CSMD1: variants seen among roughly 807,000 people sequenced by gnomAD.
The protein encoded by CSMD1 is CUB and sushi domain-containing protein 1.
A neutral mutation model predicts 417.5 loss-of-function variants in CSMD1; 213 were observed. That is an observed-to-expected ratio of 0.51 (90% CI 0.46 to 0.57). The LOEUF (loss-of-function observed/expected upper bound fraction) is 0.57. Among genes scored for constraint, CSMD1 ranks in the 20% least tolerant of loss-of-function variants. The pLI, the probability that CSMD1 is intolerant of heterozygous loss-of-function variation, is 0.00. For missense variants in CSMD1, 6,923 were observed against 4,529.7 expected, an observed-to-expected ratio of 1.53 and a Z score of -15.17; for synonymous variants, 2,862 against 1,736.8, an observed-to-expected ratio of 1.65 and a Z score of -16.11.
At chr8:3,117,508 G>T (rs190156618) in intron 42 of CSMD1, among the ~76,000 whole-genome samples, 1 of 152,162 alleles carries the variant, frequency 6.6e-6, no homozygotes, top group East Asian at 1.9e-4. Flanking sequence ...AAAGGTCCAC[G>T]GAGTTGGTAA....
chr8:3,793,931 C>G (rs996189914), intron 5 of CSMD1, among the ~76,000 whole-genome samples: 3 of 152,154 alleles, frequency 2.0e-5, no homozygotes, highest in African/African-American at 4.8e-5. Flanking sequence ...TCTTGATACT[C>G]TCCCCCAGAG....
chr8:3,770,067 G>C (rs1390747999), intron 5 of CSMD1, among the ~76,000 whole-genome samples: 1 of 152,142 alleles, frequency 6.6e-6, no homozygotes, highest in Admixed American at 6.5e-5. Context: ...GAAGGCTTGC[G>C]TCTCTATTTC....
chr8:4,631,019 C>A (rs1335106681), intron 2 of CSMD1, among the ~76,000 whole-genome samples: 1 of 152,172 alleles, frequency 6.6e-6, no homozygotes, highest in Non-Finnish European at 1.5e-5. Flanking sequence ...ACAGTGGCTT[C>A]ACCCTCTGAT....
At chr8:4,331,470 CTTTTGGG>C (rs563774728) in intron 3 of CSMD1, among the ~76,000 whole-genome samples, 343 of 152,198 alleles carry the variant, frequency 2.3e-3, no homozygotes, top group African/African-American at 7.9e-3. Context: ...TGCCAGCCTT[CTTTTGGG>C]TTTTGGGTTT....
chr8:4,063,626 C>A (rs897917105), intron 3 of CSMD1, among the ~76,000 whole-genome samples: 1 of 152,156 alleles, frequency 6.6e-6, no homozygotes, highest in African/African-American at 2.4e-5. Context: ...CAGCGGCTTC[C>A]AGCAGTGGAC....
chr8:4,677,841 C>T (rs139336585), intron 1 of CSMD1, among the ~76,000 whole-genome samples: 38 of 152,110 alleles, frequency 2.5e-4, no homozygotes, highest in East Asian at 9.7e-4. Context: ...GGAGGAGAAA[C>T]GAAGCTGAAG....
intron 12 of CSMD1, among the ~76,000 whole-genome samples, chr8:3,434,211 G>A (rs564240395): frequency 1.2e-4 from 18 of 152,216 alleles, no homozygotes; most frequent in East Asian, 3.9e-4. Context: ...TTATGCCAGC[G>A]TCCTTTCAGA....
intron 12 of CSMD1, among the ~76,000 whole-genome samples, chr8:3,439,283 A>G (rs28411980): frequency 0.027 from 819 of 30,654 alleles, 29 homozygotes; most frequent in Middle Eastern, 0.11. Context: ...CAATGTCAGT[A>G]TATATATATA....
At chr8:3,535,324 A>G (rs899398166) in intron 10 of CSMD1, among the ~76,000 whole-genome samples, 1 of 152,134 alleles carries the variant, frequency 6.6e-6, no homozygotes, top group Non-Finnish European at 1.5e-5. Flanking sequence ...CTATCTTTCT[A>G]TATACCATGC....
At chr8:3,956,161 G>T (rs185899679) in intron 5 of CSMD1, among the ~76,000 whole-genome samples, 338 of 149,770 alleles carry the variant, frequency 2.3e-3, no homozygotes, top group African/African-American at 7.9e-3. Flanking sequence ...AATCTTAGAT[G>T]CAAAAAGGTT....
intron 11 of CSMD1, among the ~76,000 whole-genome samples, chr8:3,471,905 T>C (rs1817126563): frequency 6.6e-6 from 1 of 152,110 alleles, no homozygotes; most frequent in South Asian, 2.1e-4. Context: ...AATACACACA[T>C]GGCACTTGGT....
At chr8:3,612,194 T>G (rs187100626) in intron 8 of CSMD1, among the ~76,000 whole-genome samples, 2 of 152,174 alleles carry the variant, frequency 1.3e-5, no homozygotes, top group Admixed American at 6.5e-5. Flanking sequence ...GAGTAAAAAA[T>G]GTTACTCAGG....
At chr8:3,516,619 G>A (rs772490773) in intron 10 of CSMD1, among the ~76,000 whole-genome samples, 3 of 152,090 alleles carry the variant, frequency 2.0e-5, no homozygotes, top group Non-Finnish European at 2.9e-5. Context: ...GTTTATTTTT[G>A]TTGTTATTGT....
intron 9 of CSMD1, among the ~76,000 whole-genome samples, chr8:3,584,779 C>T (rs1800527294): frequency 1.3e-5 from 2 of 152,116 alleles, no homozygotes; most frequent in Middle Eastern, 3.4e-3. Context: ...AGCAAGAAAA[C>T]TATTGAAGGA....
intron 17 of CSMD1, among the ~76,000 whole-genome samples, chr8:3,394,855 A>G (rs1811591028): frequency 6.6e-6 from 1 of 152,236 alleles, no homozygotes; most frequent in African/African-American, 2.4e-5. Flanking sequence ...ATATGTGAAG[A>G]GTAATAACTG....
At chr8:4,233,177 C>T (rs1305720141) in intron 3 of CSMD1, among the ~76,000 whole-genome samples, 2 of 152,146 alleles carry the variant, frequency 1.3e-5, no homozygotes, top group Non-Finnish European at 1.5e-5. Context: ...GAAGCAACAA[C>T]ATTCATATTG....
At position 3,396,289 on chromosome 8, in the gene CSMD1, G is replaced by A. The variant is rs996769458; in HGVS notation, c.2498C>T (p.Ala833Val). The change falls in exon 17 of 70, where the codon GCA (alanine) becomes GTA (valine). Residue 833 changes from alanine (A) to valine (V), a missense_variant. Coordinates refer to ENST00000635120, the MANE Select transcript of CSMD1 (RefSeq NM_033225.6). The stretch of plus-strand genomic sequence containing the variant: ...CCCGGTGCTGATGAGGAACTGGGGT[G>A]CCTGGGTGCCGTGGTACTCGCCGAT... The part of the protein sequence containing the change: ...PLIGEYHGTQ[A>V]PQFLISTGNF... 2.5e-6 allele frequency: 4 copies of A among 1,602,750 alleles called. No homozygotes were observed. The highest frequency in any genetic ancestry group is 3.4e-6 in the Non-Finnish European group (4 of 1,174,534).
At chr8:4,974,950 G>C (rs1026039243) in intron 1 of CSMD1, among the ~76,000 whole-genome samples, 2 of 152,140 alleles carry the variant, frequency 1.3e-5, no homozygotes, top group African/African-American at 4.8e-5. Flanking sequence ...AGAATTATTC[G>C]ACAATAGATT....
rs142376998 is a variant in CSMD1 at position 3,809,350 on chromosome 8, C to T, written c.819-55308G>A. ...TTTTATCGATAAATATTTGTTTACG[C>T]ACTTGTTTATCACTGTTCTACTCAC... On this transcript the variant is annotated intron_variant, in intron 5 of 69. Coordinates refer to ENST00000635120, the MANE Select transcript of CSMD1 (RefSeq NM_033225.6). Among the ~76,000 whole-genome samples the T allele has an allele frequency of 1.2e-3, 179 of 152,284 alleles. 1 individual carries two copies. Among genetic ancestry groups the T allele is most frequent in the African/African-American group, 4.0e-3 (166 of 41,566 alleles).
Sources: allele counts gnomAD v4.1 joint callset (sites outside exome capture counted in the v4.1 genomes callset), GRCh38; gene constraint gnomAD v4.1.1; transcripts MANE v1.5; gene names NCBI Gene and HGNC (gene_info 2026-07-23, HGNC 2026-07-21).